Variants in GIGYF2 observed in about 807,000 individuals in gnomAD.
GIGYF2 encodes the protein GRB10-interacting GYF protein 2.
A neutral mutation model predicts 208.1 loss-of-function variants in GIGYF2; 25 were observed. That is an observed-to-expected ratio of 0.12 (90% CI 0.09 to 0.17). The LOEUF (loss-of-function observed/expected upper bound fraction) is 0.17, where lower values mean the gene tolerates loss of function less well. Ranked by LOEUF, GIGYF2 falls within the 10% of genes least tolerant of loss-of-function variation. The probability of loss-of-function intolerance (pLI) is 1.00; values close to 1 mark genes in which losing one functional copy is unlikely to be tolerated. For synonymous variants in GIGYF2, 534 were observed against 543.8 expected, an observed-to-expected ratio of 0.98 and a Z score of 0.25; for missense variants, 1,302 against 1,579.4, an observed-to-expected ratio of 0.82 and a Z score of 2.98.
At chr2:232,711,254 CTT>C (rs34701447) in intron 2 of GIGYF2, among the ~76,000 whole-genome samples, 2,441 of 124,884 alleles carry the variant, frequency 0.02, 75 homozygotes, top group African/African-American at 0.068. Context: ...CCTGGCTAAT[CTT>C]TTTTTTTTTT....
At chr2:232,699,910 C>G (rs1376775439) in intron 1 of GIGYF2, among the ~76,000 whole-genome samples, 1 of 152,200 alleles carries the variant, frequency 6.6e-6, no homozygotes, top group Non-Finnish European at 1.5e-5. Flanking sequence ...TATTCCTCCA[C>G]TTTTACCTTT....
At chr2:232,742,610 C>T (rs978462119) in intron 3 of GIGYF2, among the ~76,000 whole-genome samples, 1 of 152,154 alleles carries the variant, frequency 6.6e-6, no homozygotes, top group African/African-American at 2.4e-5. Context: ...CTAGTAAAAT[C>T]GTTCAGGATG....
intron 5 of GIGYF2, among the ~76,000 whole-genome samples, chr2:232,755,437 G>T (rs1279006118): frequency 6.6e-6 from 1 of 152,114 alleles, no homozygotes; most frequent in Non-Finnish European, 1.5e-5. Flanking sequence ...CAAAGTGCTG[G>T]GATTACAGGC....
chr2:232,833,937 G>GTGT (rs1224093449), intron 22 of GIGYF2, among the ~76,000 whole-genome samples: 1 of 151,652 alleles, frequency 6.6e-6, no homozygotes, highest in Non-Finnish European at 1.5e-5. Flanking sequence ...TAAAGAGGCT[G>GTGT]TGTTGGTGCT....
chr2:232,850,438 G>T (rs1690269067), intron 28 of GIGYF2, 29 bp downstream of exon 28: 1 of 1,601,580 alleles, frequency 6.2e-7, no homozygotes, highest in African/African-American at 1.3e-5. Flanking sequence ...TCAGCTGAGT[G>T]TTGGAGGAGT....
chr2:232,729,419 G>C lies in GIGYF2; in HGVS notation c.-43-5736G>C, dbSNP rs552251375. The C allele has an allele frequency of 9.0e-5, 49 of 542,142 alleles. 1 individual carries two copies. In the South Asian group the frequency reaches 1.7e-3, roughly 18 times the overall value. 33.6% of individuals were successfully genotyped at this position (542,142 alleles called of 1,614,324 possible). A position where few individuals can be genotyped will look rare whatever the true frequency, so the allele number is the denominator to read the frequency against. On this transcript the variant is annotated intron_variant, in intron 2 of 28. Transcript: ENST00000373563. ...CAGAACACTGTTCTGAGTAATGCAG[G>C]TCTCTTTATTTGATAATTAAATAAC... is the stretch of plus-strand genomic sequence containing the variant.
chr2:232,755,719 T>A (rs78000672), intron 5 of GIGYF2, among the ~76,000 whole-genome samples: 1 of 152,370 alleles, frequency 6.6e-6, no homozygotes, highest in Non-Finnish European at 1.5e-5. Flanking sequence ...CATTCACTTA[T>A]GATTCCTGTC....
At chr2:232,729,535 G>T in intron 2 of GIGYF2, 8 of 1,303,486 alleles carry the variant, frequency 6.1e-6, no homozygotes, top group Admixed American at 5.1e-5. Context: ...AGATTTTGTT[G>T]AAAGCAGCCA....
At chr2:232,702,052 C>T (rs1695871560) in intron 1 of GIGYF2, among the ~76,000 whole-genome samples, 1 of 152,082 alleles carries the variant, frequency 6.6e-6, no homozygotes, top group African/African-American at 2.4e-5. Context: ...GTAGTCACAG[C>T]TACTCAGGAG....
At position 232,730,854 on chromosome 2, in the gene GIGYF2, C is replaced by T. The variant is rs1170400959; in HGVS notation, c.-43-4301C>T. On this transcript the variant is annotated intron_variant, in intron 2 of 28. Transcript: ENST00000373563. Reference sequence around the variant, plus strand: ...CGGAGCTTGCAGTGAGCCGAGATCCCGCCACTGCACTCCAGCCTGGGCGAC... The same window carrying T: ...CGGAGCTTGCAGTGAGCCGAGATCCTGCCACTGCACTCCAGCCTGGGCGAC... Among the ~76,000 whole-genome samples, 333 of 134,178 alleles carry T rather than the reference C, an allele frequency of 2.5e-3. 1 individual carries two copies. The highest frequency in any genetic ancestry group is 4.4e-3 in the Non-Finnish European group (279 of 63,106). 88.0% of individuals were successfully genotyped at this position (134,178 alleles called of 152,430 possible). A position where few individuals can be genotyped will look rare whatever the true frequency, so the allele number is the denominator to read the frequency against.
chr2:232,800,655 G>A (rs1379555990), intron 14 of GIGYF2, among the ~76,000 whole-genome samples: 2 of 151,278 alleles, frequency 1.3e-5, no homozygotes, highest in African/African-American at 4.9e-5. Context: ...TATGATAATG[G>A]CTCACTGTAG....
At chr2:232,721,213 C>A (rs1696929308) in intron 2 of GIGYF2, among the ~76,000 whole-genome samples, 1 of 152,200 alleles carries the variant, frequency 6.6e-6, no homozygotes, top group Non-Finnish European at 1.5e-5. Flanking sequence ...CTGCCAATTC[C>A]ACTATGCCAT....
chr2:232,775,890 A>G (rs1432752343), intron 8 of GIGYF2, among the ~76,000 whole-genome samples: 1 of 152,214 alleles, frequency 6.6e-6, no homozygotes, highest in Non-Finnish European at 1.5e-5. Context: ...TGCCCTCCAC[A>G]ATTAGGGCAA....
At chr2:232,725,869 A>G (rs1178218035) in intron 2 of GIGYF2, among the ~76,000 whole-genome samples, 1 of 152,208 alleles carries the variant, frequency 6.6e-6, no homozygotes, top group Non-Finnish European at 1.5e-5. Flanking sequence ...AAAATATTTC[A>G]TGGGATTTTG....
chr2:232,811,961 T>C (rs1477661728), intron 17 of GIGYF2, among the ~76,000 whole-genome samples: 1 of 152,172 alleles, frequency 6.6e-6, no homozygotes, highest in African/African-American at 2.4e-5. Context: ...ATGGGCAAAC[T>C]GGGACTCTGA....
intron 25 of GIGYF2, 58 bp from the exon 26 acceptor site, chr2:232,845,674 T>TATAATCATA: frequency 7.1e-7 from 1 of 1,399,888 alleles, no homozygotes; most frequent in Admixed American, 1.7e-5. Flanking sequence ...GGTGTTGTAC[T>TATAATCATA]ATAATCATAT....
rs2106360252 is a variant in GIGYF2, at chr2:232,787,083, G to A, written c.533-67G>A. 1.6e-5 allele frequency: 18 copies of A among 1,147,338 alleles called. No individual in the cohort carries two copies. The South Asian group carries it at 2.2e-4, about 14-fold the overall frequency. The allele number at this position is 1,147,338 out of a possible 1,614,324, so 71.1% of individuals were successfully genotyped here. ...TGCAGGAAAGCTTGATTTGAGCTGT[G>A]AAGTTTGTTTTCAAAGCCTATACTG... On this transcript the variant is annotated intron_variant, in intron 8 of 28. Coordinates refer to ENST00000373563, the MANE Select transcript of GIGYF2 (RefSeq NM_001103146.3).
At chr2:232,787,723 A>G (rs1190499571) in intron 9 of GIGYF2, among the ~76,000 whole-genome samples, 1 of 152,186 alleles carries the variant, frequency 6.6e-6, no homozygotes, top group Non-Finnish European at 1.5e-5. Context: ...GTTTTTCCTA[A>G]CAAGAAAGGG....
intron 3 of GIGYF2, among the ~76,000 whole-genome samples, chr2:232,739,362 C>CT (rs1553607635): frequency 1.4e-4 from 1 of 7,338 alleles, no homozygotes; most frequent in Admixed American, 1.2e-3. Flanking sequence ...CAAAAGCAAA[C>CT]CCCCCCCCCC....
Sources: allele counts gnomAD v4.1 joint callset (sites outside exome capture counted in the v4.1 genomes callset), GRCh38; gene constraint gnomAD v4.1.1; transcripts MANE v1.5; gene names NCBI Gene and HGNC (gene_info 2026-07-23, HGNC 2026-07-21).